Variants in ADAMTSL1 observed in about 807,000 individuals in gnomAD.
The protein encoded by ADAMTSL1 is ADAMTS like 1, also known as ADAMTS-like protein 1.
ADAMTSL1 carries 126 observed loss-of-function variants against 201.8 expected under a neutral mutation model. The ratio of observed to expected loss-of-function variants is 0.62; its 90% confidence interval spans 0.54 to 0.72. ADAMTSL1 has a LOEUF of 0.72. Ranked by LOEUF, ADAMTSL1 falls within the 30% of genes least tolerant of loss-of-function variation. ADAMTSL1 has a pLI of 0.00. For synonymous variants in ADAMTSL1, 1,121 were observed against 903.4 expected (o/e 1.24, Z -4.32); for missense variants, 2,679 against 2,277.8 (o/e 1.18, Z -3.59).
At chr9:18,847,405 G>A (rs1294152076) in intron 23 of ADAMTSL1, among the ~76,000 whole-genome samples, 1 of 152,138 alleles carries the variant, frequency 6.6e-6, no homozygotes, top group Non-Finnish European at 1.5e-5. Flanking sequence ...ACAGACAAAA[G>A]TCCCTCCTCT....
chr9:18,804,994 G>T (rs1319872712), intron 20 of ADAMTSL1, among the ~76,000 whole-genome samples: 6 of 152,088 alleles, frequency 3.9e-5, no homozygotes, highest in Non-Finnish European at 2.9e-5. Flanking sequence ...CTCAAATATT[G>T]CTGTATACTC....
chr9:18,357,736 A>G (rs1563909970), intron 2 of ADAMTSL1, among the ~76,000 whole-genome samples: 1 of 152,176 alleles, frequency 6.6e-6, no homozygotes, highest in Non-Finnish European at 1.5e-5. Context: ...GGTATAATAT[A>G]TATTTCATTT....
chr9:18,410,303 C>G (rs553314568), intron 2 of ADAMTSL1, among the ~76,000 whole-genome samples: 1 of 152,000 alleles, frequency 6.6e-6, no homozygotes, highest in African/African-American at 2.4e-5. Flanking sequence ...TGCAGATCAT[C>G]CTATCACCTA....
chr9:18,103,214 T>C (rs573192660), intron 1 of ADAMTSL1, among the ~76,000 whole-genome samples: 3 of 152,216 alleles, frequency 2.0e-5, no homozygotes, highest in East Asian at 3.9e-4. Flanking sequence ...TTTTTTTTCA[T>C]TGAAAATTAA....
At chr9:18,284,703 C>A (rs1442751832) in intron 2 of ADAMTSL1, among the ~76,000 whole-genome samples, 1 of 152,206 alleles carries the variant, frequency 6.6e-6, no homozygotes, top group Non-Finnish European at 1.5e-5. Flanking sequence ...ACTATTATTT[C>A]ATAACCCAAA....
At chr9:18,292,288 T>A (rs1374058932) in intron 2 of ADAMTSL1, among the ~76,000 whole-genome samples, 2 of 152,076 alleles carry the variant, frequency 1.3e-5, no homozygotes, top group African/African-American at 4.8e-5. Context: ...CAGCAGGTAA[T>A]TGGCAGAGGC....
Position 18,777,723 on chromosome 9 carries a change from C to G in ADAMTSL1, c.3494C>G (p.Thr1165Ser). ...TCTCGAAGGCCACACCGCAAGCCCA[C>G]CATCCTGCGCAAGATCTCAGCGGCC... The part of the protein sequence containing the change: ...GGSRRPHRKP[T>S]ILRKISAAQQ... Residue 1165 changes from threonine (T) to serine (S), a missense_variant, in exon 19 of 29, where the codon ACC becomes AGC. Physicochemically the swap from Thr to Ser is moderately conservative, Grantham distance 58 (BLOSUM62 1). Transcript: ENST00000380548. 1.2e-6 allele frequency: 2 copies of G among 1,613,528 alleles called. No homozygotes were observed. The highest frequency in any genetic ancestry group is 8.5e-7 in the Non-Finnish European group (1 of 1,179,722).
At chr9:18,651,910 T>TTATATATATA (rs144354985) in intron 7 of ADAMTSL1, among the ~76,000 whole-genome samples, 7 of 149,996 alleles carry the variant, frequency 4.7e-5, no homozygotes, top group South Asian at 2.1e-4. Flanking sequence ...GTTTATAAAA[T>TTATATATATA]TATATATATA....
chr9:18,284,422 ATAT>A (rs1454029138), intron 2 of ADAMTSL1, among the ~76,000 whole-genome samples: 1 of 152,080 alleles, frequency 6.6e-6, no homozygotes, highest in Non-Finnish European at 1.5e-5. Context: ...TCTTTATTTA[ATAT>A]TATATCATAT....
intron 1 of ADAMTSL1, among the ~76,000 whole-genome samples, chr9:17,928,399 C>A (rs1826641435): frequency 1.3e-5 from 2 of 152,136 alleles, no homozygotes. Flanking sequence ...CAAGGTAGAG[C>A]TAATAGTTTC....
chr9:18,878,820 T>C (rs902652408), intron 23 of ADAMTSL1, among the ~76,000 whole-genome samples: 2 of 152,182 alleles, frequency 1.3e-5, no homozygotes, highest in Non-Finnish European at 2.9e-5. Flanking sequence ...CTGCCATTTT[T>C]CCCCTCAGGA....
chr9:18,680,421 G>T lies in ADAMTSL1; in HGVS notation c.1246G>T (p.Glu416Ter), dbSNP rs1342702139. The T allele has an allele frequency of 1.2e-6, 2 of 1,614,060 alleles. No individual in the cohort carries two copies. The highest frequency in any genetic ancestry group is 2.7e-5 in the African/African-American group (2 of 74,908). Residue 416 changes from glutamate (E) to a stop codon, truncating the protein, a stop_gained, in exon 11 of 29, where the codon GAA becomes TAA. Coordinates refer to ENST00000380548, the MANE Select transcript of ADAMTSL1 (RefSeq NM_001040272.6). LOFTEE classifies it high-confidence loss of function. Reference sequence around the variant, plus strand: ...CATCCAGGGGCATGTCACTTCAGTGGAAGAGTGGAAATGCATGTACACCCC... The same window carrying T: ...CATCCAGGGGCATGTCACTTCAGTGTAAGAGTGGAAATGCATGTACACCCC... ...EDIQGHVTSV[E>*]EWKCMYTPKM...
intron 2 of ADAMTSL1, chr9:18,164,028 A>AATGGCTG (rs1398256310): frequency 1.3e-5 from 2 of 152,134 alleles, no homozygotes; most frequent in South Asian, 4.2e-4. Flanking sequence ...ACTGAGGTTC[A>AATGGCTG]ATGGCTGATT....
At chr9:17,998,223 AT>A (rs779388101) in intron 1 of ADAMTSL1, among the ~76,000 whole-genome samples, 1 of 152,100 alleles carries the variant, frequency 6.6e-6, no homozygotes, top group Non-Finnish European at 1.5e-5. Flanking sequence ...GCATGTGGAA[AT>A]TCAAGCACCA....
At chr9:18,478,959 G>A (rs1014430345) in intron 1 of ADAMTSL1, among the ~76,000 whole-genome samples, 5 of 152,110 alleles carry the variant, frequency 3.3e-5, no homozygotes, top group African/African-American at 9.7e-5. Context: ...GTTGAATTTT[G>A]GCTTGATTGG....
intron 23 of ADAMTSL1, among the ~76,000 whole-genome samples, chr9:18,857,264 C>T (rs779372543): frequency 2.6e-5 from 4 of 152,188 alleles, no homozygotes; most frequent in Admixed American, 6.5e-5. Flanking sequence ...GTGCATATTC[C>T]TTCAAGGTTT....
intron 1 of ADAMTSL1, among the ~76,000 whole-genome samples, chr9:18,145,959 A>G (rs1826621496): frequency 6.6e-6 from 1 of 152,202 alleles, no homozygotes; most frequent in African/African-American, 2.4e-5. Context: ...GAATACACAG[A>G]TGGAAAAATA....
At chr9:18,664,493 G>A (rs1227671559) in intron 9 of ADAMTSL1, among the ~76,000 whole-genome samples, 1 of 151,942 alleles carries the variant, frequency 6.6e-6, no homozygotes, top group African/African-American at 2.4e-5. Context: ...GAAAACCAAC[G>A]TTCTTGGTAT....
intron 2 of ADAMTSL1, among the ~76,000 whole-genome samples, chr9:18,381,543 A>T (rs1208463049): frequency 6.6e-6 from 1 of 152,204 alleles, no homozygotes; most frequent in African/African-American, 2.4e-5. Context: ...ATGCTGTGAC[A>T]TAATCCCACA....
Sources: gnomAD v4.1 joint callset for allele counts (sites outside exome capture counted in the v4.1 genomes callset) on GRCh38, gnomAD v4.1.1 for gene constraint, MANE v1.5 for transcripts, NCBI Gene and HGNC (gene_info 2026-07-23, HGNC 2026-07-21) for gene names.